UBE2E2: variants seen among roughly 807,000 people sequenced by gnomAD.
UBE2E2 encodes the protein ubiquitin-conjugating enzyme E2 E2.
In UBE2E2, 6 loss-of-function variants were observed where a neutral mutation model predicts 24.7. The observed-to-expected ratio is 0.24, with a 90% CI of 0.13 to 0.48. UBE2E2 has a LOEUF of 0.48. Among genes scored for constraint, UBE2E2 ranks in the 20% least tolerant of loss-of-function variants. The probability of loss-of-function intolerance (pLI) is 0.99; values close to 1 mark genes in which losing one functional copy is unlikely to be tolerated. For synonymous variants in UBE2E2, 104 were observed against 83.6 expected, an observed-to-expected ratio of 1.24 and a Z score of -1.33; for missense variants, 169 against 245.0, an observed-to-expected ratio of 0.69 and a Z score of 2.07.
chr3:23,300,304 G>A (rs1254647195), intron 3 of UBE2E2, among the ~76,000 whole-genome samples: 68 of 152,128 alleles, frequency 4.5e-4, no homozygotes, highest in Non-Finnish European at 8.7e-4. Context: ...ATATTGTTAT[G>A]TGTGAATTTG....
chr3:23,291,122 A>G (rs1251338906), intron 3 of UBE2E2, among the ~76,000 whole-genome samples: 1 of 151,410 alleles, frequency 6.6e-6, no homozygotes. Flanking sequence ...CCTATAGAAT[A>G]TCTTTTGCTG....
Position 23,299,647 on chromosome 3 carries a change from G to A in UBE2E2, c.227+82335G>A, listed in dbSNP as rs183135927. ...AGTTTGATTGCACTGTGGTCTGAGAGGCAGTTTGTTGTAATTTCTGTTCTT... is the reference window on the plus strand; with the variant it reads ...AGTTTGATTGCACTGTGGTCTGAGAAGCAGTTTGTTGTAATTTCTGTTCTT... On this transcript the variant is annotated intron_variant, in intron 3 of 5. Transcript: ENST00000396703. Among the ~76,000 whole-genome samples the A allele has an allele frequency of 1.1e-3, 170 of 152,328 alleles. 2 individuals are homozygous for A. Among genetic ancestry groups the A allele is most frequent in the African/African-American group, 3.9e-3 (162 of 41,572 alleles).
intron 3 of UBE2E2, among the ~76,000 whole-genome samples, chr3:23,306,929 A>G (rs1699250651): frequency 6.6e-6 from 1 of 152,206 alleles, no homozygotes; most frequent in Admixed American, 6.6e-5. Context: ...GAGATTAAGC[A>G]AATCTCAACT....
chr3:23,473,656 C>T (rs1440748219), intron 3 of UBE2E2, among the ~76,000 whole-genome samples: 3 of 152,154 alleles, frequency 2.0e-5, no homozygotes, highest in African/African-American at 7.2e-5. Context: ...CATAGCTTAT[C>T]TCTCACTTAA....
intron 3 of UBE2E2, among the ~76,000 whole-genome samples, chr3:23,278,295 ATC>A (rs1282529523): frequency 2.6e-5 from 4 of 152,148 alleles, no homozygotes; most frequent in Non-Finnish European, 4.4e-5. Flanking sequence ...GTACACCGTC[ATC>A]TCTGACTAGT....
At chr3:23,290,130 A>G (rs1014309350) in intron 3 of UBE2E2, among the ~76,000 whole-genome samples, 1 of 151,830 alleles carries the variant, frequency 6.6e-6, no homozygotes, top group African/African-American at 2.4e-5. Flanking sequence ...GTATATGTCT[A>G]CACACACACA....
At chr3:23,491,539 A>ATTTT (rs1263174598) in intron 3 of UBE2E2, among the ~76,000 whole-genome samples, 1 of 152,096 alleles carries the variant, frequency 6.6e-6, no homozygotes, top group Non-Finnish European at 1.5e-5. Context: ...CTTATGCAAA[A>ATTTT]GCCAGGAGAC....
intron 3 of UBE2E2, among the ~76,000 whole-genome samples, chr3:23,302,280 G>C (rs1699118933): frequency 6.6e-6 from 1 of 152,132 alleles, no homozygotes; most frequent in Non-Finnish European, 1.5e-5. Flanking sequence ...CAGATTTTCA[G>C]AGACTATATA....
Position 23,269,407 on chromosome 3 carries a change from C to CAA in UBE2E2, c.227+52097_227+52098dup, listed in dbSNP as rs150268642. ...GCGTGTAGCGTTAAAAGCTAAACTC[C>CAA]AAAGGCTTTTGGGGCTCTATTGCTC... On this transcript the variant is annotated intron_variant, in intron 3 of 5. Transcript: ENST00000396703. 3.3e-3 allele frequency among the ~76,000 whole-genome samples: 496 copies of CAA among 152,258 alleles called. 18 individuals are homozygous for CAA. The East Asian group carries it at 0.084, about 26-fold the overall frequency.
upstream of UBE2E2, chr3:23,203,161 C>A: frequency 2.0e-6 from 2 of 985,424 alleles, no homozygotes; most frequent in Non-Finnish European, 2.4e-6. Context: ...GTGGTGGCTT[C>A]ACTTTCCAGG....
intron 5 of UBE2E2, among the ~76,000 whole-genome samples, chr3:23,554,180 G>A (rs1388908824): frequency 1.3e-5 from 2 of 152,118 alleles, no homozygotes; most frequent in Non-Finnish European, 2.9e-5. Context: ...TCAAAACAGT[G>A]CAGTACTGGC....
intron 2 of UBE2E2, among the ~76,000 whole-genome samples, chr3:23,211,427 G>A (rs1466101263): frequency 9.4e-6 from 1 of 105,846 alleles, no homozygotes; most frequent in Non-Finnish European, 2.2e-5. Flanking sequence ...TTTTTTTTGA[G>A]GCAGAGTCTT....
At chr3:23,319,979 C>T (rs1207782561) in intron 3 of UBE2E2, among the ~76,000 whole-genome samples, 1 of 152,078 alleles carries the variant, frequency 6.6e-6, no homozygotes, top group Admixed American at 6.6e-5. Context: ...TAGTTTTTCC[C>T]CAGTGGTGGA....
chr3:23,347,803 A>T (rs1370797286), intron 3 of UBE2E2, among the ~76,000 whole-genome samples: 1 of 152,178 alleles, frequency 6.6e-6, no homozygotes, highest in Non-Finnish European at 1.5e-5. Flanking sequence ...TCAATTTGTC[A>T]TTAAATCAAG....
At chr3:23,578,910 A>G (rs905093597) in intron 5 of UBE2E2, among the ~76,000 whole-genome samples, 2 of 152,184 alleles carry the variant, frequency 1.3e-5, no homozygotes, top group African/African-American at 4.8e-5. Context: ...CATCCTGCAC[A>G]TGTACCCCTG....
chr3:23,466,333 C>CTAGTG (rs1698918003), intron 3 of UBE2E2, among the ~76,000 whole-genome samples: 1 of 152,114 alleles, frequency 6.6e-6, no homozygotes, highest in South Asian at 2.1e-4. Context: ...GCCTGAAATA[C>CTAGTG]GCATGATGAT....
chr3:23,517,216 T>C (rs189330804), intron 4 of UBE2E2, among the ~76,000 whole-genome samples: 1 of 152,278 alleles, frequency 6.6e-6, no homozygotes, highest in Non-Finnish European at 1.5e-5. Context: ...TTCTGGAATT[T>C]CTATGAGTTT....
At chr3:23,354,178 A>T (rs908780367) in intron 3 of UBE2E2, among the ~76,000 whole-genome samples, 15 of 152,206 alleles carry the variant, frequency 9.9e-5, no homozygotes, top group South Asian at 6.2e-4. Flanking sequence ...AAAACTGGCT[A>T]GCCATATGTA....
In UBE2E2 at chr3:23,499,762, A is replaced by AT. The variant is rs1343988648; in HGVS notation, c.360+27dup. 6 of 1,606,604 alleles carry AT rather than the reference A, an allele frequency of 3.7e-6. No individual in the cohort carries two copies. In the Admixed American group the frequency reaches 1.0e-4, roughly 28 times the overall value. On this transcript the variant is annotated intron_variant, in intron 4 of 5. Transcript: ENST00000396703. ...TAAGGTCAGTATGAAGTTTTCATTG[A>AT]TTTTTAGCAATATGGATTATATTTC...
Sources: allele counts gnomAD v4.1 joint callset (sites outside exome capture counted in the v4.1 genomes callset), GRCh38; gene constraint gnomAD v4.1.1; transcripts MANE v1.5; gene names NCBI Gene and HGNC (gene_info 2026-07-23, HGNC 2026-07-21).